Variants in SLC9A9 observed in about 807,000 individuals in gnomAD.
SLC9A9 encodes the protein solute carrier family 9 member A9, also known as sodium/hydrogen exchanger 9.
In SLC9A9, 62 loss-of-function variants were observed where a neutral mutation model predicts 77.8. The observed-to-expected ratio is 0.80, with a 90% confidence interval of 0.65 to 0.98. The LOEUF is 0.98. Ranked by LOEUF, SLC9A9 falls within the 50% of genes least tolerant of loss-of-function variation. SLC9A9 has a pLI of 0.00. For synonymous variants in SLC9A9, 320 were observed against 283.5 expected, an observed-to-expected ratio of 1.13 and a Z score of -1.29; for missense variants, 775 against 774.9, an observed-to-expected ratio of 1.00 and a Z score of 0.00.
intron 4 of SLC9A9, among the ~76,000 whole-genome samples, chr3:143,703,941 G>A (rs1933878356): frequency 6.6e-6 from 1 of 152,042 alleles, no homozygotes; most frequent in South Asian, 2.1e-4. Context: ...GCAACTATAT[G>A]GCAATAAATT....
At chr3:143,730,988 G>T (rs564275123) in intron 4 of SLC9A9, among the ~76,000 whole-genome samples, 1 of 152,246 alleles carries the variant, frequency 6.6e-6, no homozygotes, top group Non-Finnish European at 1.5e-5. Context: ...TGATGCCTTT[G>T]TGGTCTCAAG....
At chr3:143,269,304 T>A (rs972895297) in intron 14 of SLC9A9, among the ~76,000 whole-genome samples, 4 of 152,230 alleles carry the variant, frequency 2.6e-5, no homozygotes, top group African/African-American at 9.6e-5. Context: ...CCTTAAAGGA[T>A]AACATAAAAG....
intron 4 of SLC9A9, among the ~76,000 whole-genome samples, chr3:143,739,339 G>A (rs1322091057): frequency 1.3e-5 from 2 of 152,064 alleles, no homozygotes; most frequent in South Asian, 2.1e-4. Context: ...AGACACCAGG[G>A]AAAAGACCAA....
intron 5 of SLC9A9, among the ~76,000 whole-genome samples, chr3:143,653,534 G>A (rs779915289): frequency 6.6e-6 from 1 of 152,126 alleles, no homozygotes; most frequent in Non-Finnish European, 1.5e-5. Context: ...ACAGTGCTAC[G>A]AGGAAATAAA....
chr3:143,543,778 AT>A (rs1370449771), intron 9 of SLC9A9, among the ~76,000 whole-genome samples: 1 of 118,274 alleles, frequency 8.5e-6, no homozygotes, highest in African/African-American at 3.3e-5. Context: ...CATTTTCTTT[AT>A]CCAGTCCACT....
intron 4 of SLC9A9, among the ~76,000 whole-genome samples, chr3:143,762,360 C>T (rs1293213467): frequency 1.3e-5 from 2 of 152,042 alleles, no homozygotes; most frequent in African/African-American, 4.8e-5. Context: ...ATAATAACCA[C>T]CACCATCATA....
chr3:143,821,400 C>T (rs1345428855), intron 2 of SLC9A9, among the ~76,000 whole-genome samples: 1 of 152,222 alleles, frequency 6.6e-6, no homozygotes, highest in African/African-American at 2.4e-5. Context: ...AGGTAAATCT[C>T]ATCTCAGAGA....
intron 9 of SLC9A9, among the ~76,000 whole-genome samples, chr3:143,541,110 C>T (rs1005120172): frequency 6.6e-6 from 1 of 152,168 alleles, no homozygotes; most frequent in Non-Finnish European, 1.5e-5. Flanking sequence ...AATTAATCCC[C>T]TCCCATTGCT....
chr3:143,616,565 C>T (rs756614104), intron 6 of SLC9A9, among the ~76,000 whole-genome samples: 13 of 152,018 alleles, frequency 8.6e-5, no homozygotes, highest in Non-Finnish European at 1.9e-4. Flanking sequence ...GAGAAAATTT[C>T]CCAGAGAATT....
At chr3:143,604,022 A>G (rs2037885284) in intron 6 of SLC9A9, among the ~76,000 whole-genome samples, 1 of 152,196 alleles carries the variant, frequency 6.6e-6, no homozygotes. Flanking sequence ...AAAAAAACAC[A>G]TTGTTGATGA....
intron 2 of SLC9A9, among the ~76,000 whole-genome samples, chr3:143,829,098 C>T (rs2009371978): frequency 6.6e-6 from 1 of 152,144 alleles, no homozygotes; most frequent in South Asian, 2.1e-4. Flanking sequence ...TGCTTAATTT[C>T]TTGTTTTGCC....
chr3:143,274,937 T>C (rs1938001442), intron 14 of SLC9A9, among the ~76,000 whole-genome samples: 1 of 152,236 alleles, frequency 6.6e-6, no homozygotes, highest in Non-Finnish European at 1.5e-5. Context: ...CAGTCTATAT[T>C]GTTTCCCTCT....
intron 1 of SLC9A9, among the ~76,000 whole-genome samples, chr3:143,842,094 G>A (rs1056103687): frequency 1.6e-4 from 25 of 152,092 alleles, no homozygotes; most frequent in African/African-American, 6.0e-4. Flanking sequence ...AACATACAGA[G>A]TGCAGGCCGG....
intron 6 of SLC9A9, among the ~76,000 whole-genome samples, chr3:143,606,535 A>T (rs2037932517): frequency 6.7e-6 from 1 of 149,344 alleles, no homozygotes; most frequent in South Asian, 2.1e-4. Flanking sequence ...GTGTAAAAAG[A>T]TAGAAACAGA....
intron 15 of SLC9A9, among the ~76,000 whole-genome samples, chr3:143,268,261 C>T (rs1937787471): frequency 6.6e-6 from 1 of 152,296 alleles, no homozygotes; most frequent in African/African-American, 2.4e-5. Flanking sequence ...CCATAAATCA[C>T]AGGCCTAGTA....
chr3:143,662,381 A>G (rs60633318), intron 5 of SLC9A9, among the ~76,000 whole-genome samples: 22,301 of 152,284 alleles, frequency 0.15, 2,397 homozygotes, highest in African/African-American at 0.31. Context: ...AGCTCCCAGC[A>G]TGAGCGATGC....
At chr3:143,278,854 T>A (rs568857155) in intron 14 of SLC9A9, among the ~76,000 whole-genome samples, 101 of 152,330 alleles carry the variant, frequency 6.6e-4, no homozygotes, top group Non-Finnish European at 1.2e-3. Context: ...GTATTTTTTT[T>A]AATTGTAGCA....
chr3:143,630,056 T>G (rs571952256), intron 6 of SLC9A9, among the ~76,000 whole-genome samples: 1 of 152,278 alleles, frequency 6.6e-6, no homozygotes, highest in East Asian at 1.9e-4. Context: ...AAAACATGTA[T>G]TTTTTGTTAA....
At chr3:143,806,737 TG>T (rs59001728) in intron 2 of SLC9A9, among the ~76,000 whole-genome samples, 6 of 148,738 alleles carry the variant, frequency 4.0e-5, no homozygotes, top group Admixed American at 2.0e-4. Context: ...TATGTGGTGG[TG>T]GGGGGGGCAA....
Sources: gnomAD v4.1 joint callset for allele counts (sites outside exome capture counted in the v4.1 genomes callset) on GRCh38, gnomAD v4.1.1 for gene constraint, MANE v1.5 for transcripts, NCBI Gene and HGNC (gene_info 2026-07-23, HGNC 2026-07-21) for gene names.